GPHN: variants seen among roughly 807,000 people sequenced by gnomAD.
GPHN encodes the protein gephyrin.
A neutral mutation model predicts 95.5 loss-of-function variants in GPHN; 17 were observed. The observed-to-expected ratio is 0.18, with a 90% CI of 0.12 to 0.27. The LOEUF (loss-of-function observed/expected upper bound fraction) is 0.27, where lower values mean the gene tolerates loss of function less well. GPHN is among the 10% of genes least tolerant of loss of function. The pLI is 1.00. For missense variants in GPHN, 660 were observed against 978.1 expected (o/e 0.67, Z 4.34); for synonymous variants, 320 against 322.5 (o/e 0.99, Z 0.08).
chr14:67,123,568 C>G (rs1473581956), intron 17 of GPHN, among the ~76,000 whole-genome samples: 1 of 152,140 alleles, frequency 6.6e-6, no homozygotes, highest in East Asian at 1.9e-4. Context: ...CCCAGCTACT[C>G]GGGAGGCTGA....
At chr14:67,249,950 A>G in the GPHN span, among the ~76,000 whole-genome samples, 1 of 152,042 alleles carries the variant, frequency 6.6e-6, no homozygotes, top group Non-Finnish European at 1.5e-5. Context: ...ATATTTAGAT[A>G]CTCATTTTTG....
chr14:67,585,919 T>C, the GPHN span: 26 of 1,591,428 alleles, frequency 1.6e-5, no homozygotes, highest in Non-Finnish European at 2.1e-5. Flanking sequence ...AGGTGGAAAG[T>C]TTCCCCACAA....
chr14:66,952,424 A>G (rs997916064), intron 8 of GPHN, among the ~76,000 whole-genome samples: 1 of 152,164 alleles, frequency 6.6e-6, no homozygotes, highest in African/African-American at 2.4e-5. Flanking sequence ...TAGTTTATCC[A>G]TTTATTAGCT....
chr14:66,802,205 C>T (rs1450111902), intron 3 of GPHN, among the ~76,000 whole-genome samples: 1 of 152,178 alleles, frequency 6.6e-6, no homozygotes, highest in African/African-American at 2.4e-5. Context: ...CTTTTCCCTT[C>T]ACATTCCAAA....
intron 1 of GPHN, among the ~76,000 whole-genome samples, chr14:66,549,568 A>G (rs1183422352): frequency 6.6e-6 from 1 of 152,188 alleles, no homozygotes; most frequent in African/African-American, 2.4e-5. Context: ...TGAAGCAGAA[A>G]GTGTTGATGT....
chr14:67,378,144 G>A, the GPHN span, among the ~76,000 whole-genome samples: 1 of 149,480 alleles, frequency 6.7e-6, no homozygotes, highest in African/African-American at 2.5e-5. Flanking sequence ...AAAAAAGCCA[G>A]ACTCTTTCAG....
rs77351325 is a variant in GPHN, at chr14:66,688,601, T to A, written c.143+7416T>A. 5.5e-3 allele frequency among the ~76,000 whole-genome samples: 838 copies of A among 152,118 alleles called. 10 individuals are homozygous for A. The highest frequency in any genetic ancestry group is 0.019 in the African/African-American group (794 of 41,482). On this transcript the variant is annotated intron_variant, in intron 2 of 22. Coordinates refer to ENST00000478722, the MANE Select transcript of GPHN (RefSeq NM_020806.5). ...CAGTTCTAAGAGTCTTTGAGGGGAG[T>A]CTTTACTGTTTTCTATATGTCGTCT...
chr14:66,864,938 T>A (rs77139952), intron 4 of GPHN, among the ~76,000 whole-genome samples: 3,454 of 152,282 alleles, frequency 0.023, 55 homozygotes, highest in African/African-American at 0.04. Flanking sequence ...TTTGGCCATA[T>A]AAAGAATAAG....
chr14:66,548,233 T>C (rs952609173), intron 1 of GPHN, among the ~76,000 whole-genome samples: 2 of 149,150 alleles, frequency 1.3e-5, no homozygotes, highest in Non-Finnish European at 3.0e-5. Flanking sequence ...CAGTCTGGAG[T>C]GCAATGGCAC....
intron 7 of GPHN, 136 bp downstream of exon 7, chr14:66,923,074 T>TG: frequency 4.0e-6 from 3 of 745,238 alleles, no homozygotes; most frequent in Non-Finnish European, 7.1e-6. Flanking sequence ...GGGATGTCCA[T>TG]GACACTCCAC....
chr14:67,521,867 C>T, the GPHN span, among the ~76,000 whole-genome samples: 2 of 152,152 alleles, frequency 1.3e-5, no homozygotes, highest in Non-Finnish European at 2.9e-5. Flanking sequence ...TTTTAGAGGA[C>T]AGAGTTGACT....
At chr14:66,829,131 A>G (rs1435989580) in intron 4 of GPHN, among the ~76,000 whole-genome samples, 1 of 126,276 alleles carries the variant, frequency 7.9e-6, no homozygotes, top group African/African-American at 3.1e-5. Context: ...TCTGTAACCT[A>G]GGCTGGAGTG....
the GPHN span, among the ~76,000 whole-genome samples, chr14:67,553,040 T>C: frequency 6.6e-6 from 1 of 152,244 alleles, no homozygotes; most frequent in Non-Finnish European, 1.5e-5. Context: ...TTGACCCAAA[T>C]GGAAATGCCT....
the GPHN span, among the ~76,000 whole-genome samples, chr14:67,200,737 A>G: frequency 2.0e-5 from 3 of 152,142 alleles, no homozygotes; most frequent in African/African-American, 7.2e-5. Context: ...ACTTTACCTT[A>G]TACATACTTC....
chr14:67,493,115 C>A, the GPHN span, among the ~76,000 whole-genome samples: 1 of 152,088 alleles, frequency 6.6e-6, no homozygotes, highest in African/African-American at 2.4e-5. Context: ...GTGAAGAGAC[C>A]CTGAAGTAGG....
chr14:66,537,611 A>G (rs1182943286), intron 1 of GPHN, among the ~76,000 whole-genome samples: 1 of 151,956 alleles, frequency 6.6e-6, no homozygotes, highest in Non-Finnish European at 1.5e-5. Context: ...ATATTCTTTT[A>G]TATTTATCCA....
the GPHN span, among the ~76,000 whole-genome samples, chr14:67,535,370 C>CTTTTTTTT: frequency 6.7e-5 from 5 of 74,192 alleles, 2 homozygotes; most frequent in African/African-American, 2.4e-4. Flanking sequence ...GTGAGCACAT[C>CTTTTTTTT]TTTTTTTTTT....
At chr14:67,323,075 G>A in the GPHN span, among the ~76,000 whole-genome samples, 2 of 151,992 alleles carry the variant, frequency 1.3e-5, no homozygotes, top group Non-Finnish European at 2.9e-5. Context: ...TAATCTGTAT[G>A]TGATCTTATT....
chr14:67,286,868 A>AG, the GPHN span, among the ~76,000 whole-genome samples: 3 of 151,042 alleles, frequency 2.0e-5, no homozygotes, highest in East Asian at 1.9e-4. Context: ...AAAAAAAAAA[A>AG]AAAAAAGAAA....
Sources: allele counts gnomAD v4.1 joint callset (sites outside exome capture counted in the v4.1 genomes callset), GRCh38; gene constraint gnomAD v4.1.1; transcripts MANE v1.5; gene names NCBI Gene and HGNC (gene_info 2026-07-23, HGNC 2026-07-21).